Variants in CRISPLD1 observed in about 807,000 individuals in gnomAD.
The protein encoded by CRISPLD1 is cysteine-rich secretory protein LCCL domain-containing 1.
Under a neutral mutation model 77.5 loss-of-function variants are expected in CRISPLD1, and 60 were observed. The observed-to-expected ratio is 0.77, with a 90% CI of 0.63 to 0.96. The LOEUF is 0.96. Among genes scored for constraint, CRISPLD1 ranks in the 40% least tolerant of loss-of-function variants. The pLI is 0.00. For synonymous variants in CRISPLD1, 195 were observed against 200.1 expected (o/e 0.97, Z 0.22); for missense variants, 623 against 615.8 (o/e 1.01, Z -0.12).
At chr8:75,008,726 G>A (rs1047097518) in intron 2 of CRISPLD1, among the ~76,000 whole-genome samples, 1 of 151,956 alleles carries the variant, frequency 6.6e-6, no homozygotes, top group Non-Finnish European at 1.5e-5. Context: ...GCTTTTCCCA[G>A]TATTTTTAAT....
At chr8:75,016,836 T>A (rs770427151) in intron 7 of CRISPLD1, 45 bp from the exon 8 acceptor site, 3 of 1,523,140 alleles carry the variant, frequency 2.0e-6, no homozygotes, top group Middle Eastern at 2.0e-4. Context: ...GAACTACAAC[T>A]GCTTTTATAT....
rs546186921 is a variant in CRISPLD1 at position 75,009,375 on chromosome 8, G to A, written c.259-3058G>A. 3.9e-5 allele frequency among the ~76,000 whole-genome samples: 6 copies of A among 151,926 alleles called. No homozygotes were observed. In the South Asian group the frequency reaches 6.3e-4, roughly 16 times the overall value. On this transcript the variant is annotated intron_variant, in intron 2 of 14. Transcript: ENST00000262207. ...AGCTTTGTTTCCTAACCTAGCTACC[G>A]AAGTCTCCCAGCCTCTTTCTGTTTA...
At chr8:74,997,722 G>A (rs1812667545) in intron 2 of CRISPLD1, among the ~76,000 whole-genome samples, 1 of 152,162 alleles carries the variant, frequency 6.6e-6, no homozygotes, top group Non-Finnish European at 1.5e-5. Context: ...GAAAGGATAG[G>A]ATAGGCTGGT....
At chr8:75,018,986 A>T (rs892703522) in intron 10 of CRISPLD1, among the ~76,000 whole-genome samples, 126 of 152,328 alleles carry the variant, frequency 8.3e-4, no homozygotes, top group African/African-American at 3.0e-3. Flanking sequence ...TAGCTTTAGT[A>T]AGCCAAGCAG....
chr8:75,013,291 A>G (rs1812967545), intron 4 of CRISPLD1, among the ~76,000 whole-genome samples: 1 of 152,024 alleles, frequency 6.6e-6, no homozygotes, highest in African/African-American at 2.4e-5. Flanking sequence ...ATATGGGGGG[A>G]AATTTACCAT....
Position 74,991,894 on chromosome 8 carries a change from C to T in CRISPLD1, c.258+5649C>T, listed in dbSNP as rs564134302. ...TTTCCTATAAAGCTCCCTCTGCTCT[C>T]GCCATTCCACTGCTTCATTCCTACT... On this transcript the variant is annotated intron_variant, in intron 2 of 14. Transcript: ENST00000262207. Among the ~76,000 whole-genome samples the T allele has an allele frequency of 5.9e-5, 9 of 152,286 alleles. No individual in the cohort carries two copies. The South Asian group carries it at 1.4e-3, about 25-fold the overall frequency.
intron 2 of CRISPLD1, among the ~76,000 whole-genome samples, chr8:75,006,248 G>A (rs1812828939): frequency 6.6e-6 from 1 of 152,092 alleles, no homozygotes; most frequent in Admixed American, 6.6e-5. Flanking sequence ...GCCAGTATTT[G>A]TCATCTAATT....
chr8:75,008,619 TAAAG>T (rs1374911051), intron 2 of CRISPLD1, among the ~76,000 whole-genome samples: 9 of 152,238 alleles, frequency 5.9e-5, no homozygotes, highest in South Asian at 2.1e-4. Context: ...TTAATATTGA[TAAAG>T]AACTAAATTT....
At chr8:75,024,687 G>A (rs1475709688) in intron 12 of CRISPLD1, among the ~76,000 whole-genome samples, 4 of 152,100 alleles carry the variant, frequency 2.6e-5, no homozygotes, top group Non-Finnish European at 5.9e-5. Context: ...TGGAAGCAGG[G>A]AGACCATAGA....
chr8:74,995,513 C>T (rs1331342320), intron 2 of CRISPLD1, among the ~76,000 whole-genome samples: 1 of 152,136 alleles, frequency 6.6e-6, no homozygotes, highest in Non-Finnish European at 1.5e-5. Context: ...GGGTCTCTGT[C>T]CCCTAGGATG....
At chr8:74,991,898 AT>A (rs1409542180) in intron 2 of CRISPLD1, among the ~76,000 whole-genome samples, 1 of 152,224 alleles carries the variant, frequency 6.6e-6, no homozygotes, top group Non-Finnish European at 1.5e-5. Context: ...TGCTCTCGCC[AT>A]TCCACTGCTT....
chr8:75,027,457 T>C (rs965291409), intron 13 of CRISPLD1, among the ~76,000 whole-genome samples: 1 of 152,236 alleles, frequency 6.6e-6, no homozygotes, highest in African/African-American at 2.4e-5. Flanking sequence ...TGAAAGTCTT[T>C]CAAAATATCC....
intron 2 of CRISPLD1, among the ~76,000 whole-genome samples, chr8:74,999,158 CT>C (rs1253608506): frequency 6.6e-6 from 1 of 151,974 alleles, no homozygotes; most frequent in Non-Finnish European, 1.5e-5. Context: ...GCAAAGGTTA[CT>C]TTTTTCTTCT....
At chr8:74,989,903 A>G (rs1365905312) in intron 2 of CRISPLD1, among the ~76,000 whole-genome samples, 1 of 152,156 alleles carries the variant, frequency 6.6e-6, no homozygotes, top group African/African-American at 2.4e-5. Context: ...TAATTCATAA[A>G]TCATGCAGTG....
intron 2 of CRISPLD1, among the ~76,000 whole-genome samples, chr8:74,992,469 TTATAGA>T (rs1315650808): frequency 1.2e-4 from 19 of 152,174 alleles, no homozygotes; most frequent in Non-Finnish European, 2.1e-4. Flanking sequence ...CTCTAAAACA[TTATAGA>T]TAAAGTTCAA....
Position 75,025,516 on chromosome 8 carries a change from AATATAT to A in CRISPLD1, c.1245-24_1245-19del, listed in dbSNP as rs770126020. Reference sequence around the variant, plus strand: ...AAAGACTTAAGTAACCAGCTTACTTAATATATATATAATATATTATTTTTTTCAGAG... The same window carrying A: ...AAAGACTTAAGTAACCAGCTTACTTAATATAATATATTATTTTTTTCAGAG... On this transcript the variant is annotated intron_variant, in intron 12 of 14. Transcript: ENST00000262207. 3.1e-6 allele frequency: 3 copies of A among 965,034 alleles called. No homozygotes were observed. In the South Asian group the frequency reaches 7.9e-5, roughly 26 times the overall value. The allele number at this position is 965,034 out of a possible 1,614,324, so 59.8% of individuals were successfully genotyped here.
Position 75,032,224 on chromosome 8 carries a change from A to T in CRISPLD1, c.1485A>T (p.Arg495Ser). The T allele has an allele frequency of 6.2e-7, 1 of 1,608,242 alleles. No individual in the cohort carries two copies. Among genetic ancestry groups the T allele is most frequent in the South Asian group, 1.1e-5 (1 of 89,996 alleles). Residue 495 changes from arginine (R) to serine (S), a missense_variant, in exon 15 of 15, where the codon AGA becomes AGT. Physicochemically the swap from Arg to Ser is moderately radical, Grantham distance 110 (BLOSUM62 -1). Coordinates refer to ENST00000262207, the MANE Select transcript of CRISPLD1 (RefSeq NM_031461.6). ...ATCCTCCAGGAGGAAAGGCATTCAGAGTGTTTGCTGTTGTGTGAAACTGAA... is the reference window on the plus strand; with the variant it reads ...ATCCTCCAGGAGGAAAGGCATTCAGTGTGTTTGCTGTTGTGTGAAACTGAA... ...LQNPPGGKAF[R>S]VFAVV
rs564237841 is a variant in CRISPLD1, at chr8:74,988,554, G to A, written c.258+2309G>A. Among the ~76,000 whole-genome samples the A allele has an allele frequency of 1.1e-4, 16 of 152,130 alleles. No individual in the cohort carries two copies. The South Asian group carries it at 3.3e-3, about 32-fold the overall frequency. On this transcript the variant is annotated intron_variant, in intron 2 of 14. Coordinates refer to ENST00000262207, the MANE Select transcript of CRISPLD1 (RefSeq NM_031461.6). ...CTTTTAGGGTTAAAAATTGAGTCTGGGCTGGGCACAGTGGTTCACATCTGT... is the reference window on the plus strand; with the variant it reads ...CTTTTAGGGTTAAAAATTGAGTCTGAGCTGGGCACAGTGGTTCACATCTGT...
At chr8:75,000,207 A>G (rs1307811042) in intron 2 of CRISPLD1, 3 of 985,138 alleles carry the variant, frequency 3.0e-6, no homozygotes, top group African/African-American at 1.7e-5. Flanking sequence ...ATGAAACTAT[A>G]TCTTATGCTT....
Sources: gnomAD v4.1 joint callset for allele counts (sites outside exome capture counted in the v4.1 genomes callset) on GRCh38, gnomAD v4.1.1 for gene constraint, MANE v1.5 for transcripts, NCBI Gene and HGNC (gene_info 2026-07-23, HGNC 2026-07-21) for gene names.